XRN1: variants seen among roughly 807,000 people sequenced by gnomAD.
XRN1 encodes strand-exchange protein 1 homolog.
A neutral mutation model predicts 222.3 loss-of-function variants in XRN1; 67 were observed. The ratio of observed to expected loss-of-function variants is 0.30; its 90% CI spans 0.25 to 0.37. XRN1 has a LOEUF of 0.37. XRN1 is among the 10% of genes least tolerant of loss of function. The pLI, the probability that XRN1 is intolerant of heterozygous loss-of-function variation, is 1.00. For missense variants in XRN1, 1,707 were observed against 2,000.2 expected (o/e 0.85, Z 2.80); for synonymous variants, 643 against 652.4 (o/e 0.99, Z 0.22).
chr3:142,376,001 C>CA (rs1553729273), intron 24 of XRN1, 57 bp from the exon 25 acceptor site: 16 of 1,488,608 alleles, frequency 1.1e-5, no homozygotes, highest in Non-Finnish European at 1.3e-5. Flanking sequence ...CACACACACA[C>CA]GAGTTTTAAA....
At chr3:142,412,963 C>G (rs1219733460) in intron 14 of XRN1, among the ~76,000 whole-genome samples, 1 of 152,126 alleles carries the variant, frequency 6.6e-6, no homozygotes, top group East Asian at 1.9e-4. Flanking sequence ...CTCTACAAGA[C>G]ACACAGCTAA....
chr3:142,352,283 C>G (rs1052658863), intron 32 of XRN1, among the ~76,000 whole-genome samples: 1 of 152,182 alleles, frequency 6.6e-6, no homozygotes, highest in African/African-American at 2.4e-5. Context: ...CAGTTTATAC[C>G]CTGAAGCAGT....
Position 142,332,410 on chromosome 3 carries a change from C to T in XRN1, c.4187G>A (p.Gly1396Glu). 1.2e-6 allele frequency: 2 copies of T among 1,611,144 alleles called. No homozygotes were observed. Among genetic ancestry groups the T allele is most frequent in the Non-Finnish European group, 1.7e-6 (2 of 1,178,090 alleles). The change falls in exon 36 of 41, where the codon GGA (glycine) becomes GAA (glutamate). Residue 1396 changes from glycine (G) to glutamate (E), a missense_variant. Physicochemically the swap from Gly to Glu is moderately conservative, Grantham distance 98 (BLOSUM62 -2). Transcript: ENST00000392981. ...ATTTTGTTTAGGCTGAGAGGGTAAT[C>T]CATATTCATCTCTTCTGTTAGAGGA... Reference protein sequence around the residue: ...PVSSNRRDEYGLPSQPKQNKK... With the variant: ...PVSSNRRDEYELPSQPKQNKK...
chr3:142,339,005 TAAGGGAACACACTTCCCTA>T (rs2065916666), intron 33 of XRN1, among the ~76,000 whole-genome samples: 1 of 152,148 alleles, frequency 6.6e-6, no homozygotes. Flanking sequence ...ACCTGGGACC[TAAGGGAACACACTTCCCTA>T]AAGGGAAGGA....
chr3:142,352,063 C>A (rs2066324604), intron 32 of XRN1, among the ~76,000 whole-genome samples: 1 of 152,158 alleles, frequency 6.6e-6, no homozygotes, highest in South Asian at 2.1e-4. Context: ...ATAAATCATT[C>A]TATCATTCTA....
chr3:142,440,761 CA>C (rs1211948255), intron 1 of XRN1, among the ~76,000 whole-genome samples: 1 of 152,298 alleles, frequency 6.6e-6, no homozygotes, highest in Non-Finnish European at 1.5e-5. Flanking sequence ...CCAGAGGAAG[CA>C]GAGCGGTTTA....
chr3:142,399,800 T>A (rs35225534), intron 19 of XRN1, among the ~76,000 whole-genome samples: 22,196 of 144,008 alleles, frequency 0.15, 2,002 homozygotes, highest in Middle Eastern at 0.26. Flanking sequence ...TGTGTAAATT[T>A]AAAAAAAAAA....
At position 142,364,054 on chromosome 3, in the gene XRN1, C is replaced by T. The variant is rs148663603; in HGVS notation, c.3394+993G>A. ...GGAATCAGGGGAAGGAGTTCAAATCCCAGCTCTGCCACTTATCTATGTAAA... is the reference window on the plus strand; with the variant it reads ...GGAATCAGGGGAAGGAGTTCAAATCTCAGCTCTGCCACTTATCTATGTAAA... On this transcript the variant is annotated intron_variant, in intron 29 of 40. Transcript: ENST00000392981. Among the ~76,000 whole-genome samples, 11 of 152,276 alleles carry T rather than the reference C, an allele frequency of 7.2e-5. No individual in the cohort carries two copies. In the East Asian group the frequency reaches 2.1e-3, roughly 29 times the overall value.
At chr3:142,362,528 C>T (rs1327560542) in intron 29 of XRN1, among the ~76,000 whole-genome samples, 1 of 152,036 alleles carries the variant, frequency 6.6e-6, no homozygotes, top group Non-Finnish European at 1.5e-5. Flanking sequence ...CCGCCTTGGC[C>T]TCCCAAAGTG....
At chr3:142,440,062 C>T (rs539114804) in intron 1 of XRN1, among the ~76,000 whole-genome samples, 5 of 152,130 alleles carry the variant, frequency 3.3e-5, no homozygotes, top group African/African-American at 4.8e-5. Context: ...CCGGGGAAAG[C>T]GCCAGCCCAT....
At position 142,370,819 on chromosome 3, in the gene XRN1, G is replaced by C. The variant is rs548969637; in HGVS notation, c.3069-199C>G. On this transcript the variant is annotated intron_variant, in intron 26 of 40. Coordinates refer to ENST00000392981, the MANE Select transcript of XRN1 (RefSeq NM_001282857.2). The stretch of plus-strand genomic sequence containing the variant: ...AAAGATTAGTTTAAAAGTATTTGTT[G>C]ATATAAATGAAAGAAAATTTGTTAA... Among the ~76,000 whole-genome samples the C allele has an allele frequency of 8.5e-4, 129 of 152,100 alleles. 3 individuals carry two copies. The South Asian group carries it at 0.027, about 31-fold the overall frequency.
rs1209822052 is a variant in XRN1 at position 142,365,130 on chromosome 3, C to A, written c.3311G>T (p.Cys1104Phe). The A allele has an allele frequency of 1.9e-6, 3 of 1,613,326 alleles. No homozygotes were observed. Among genetic ancestry groups the A allele is most frequent in the East Asian group, 4.5e-5 (2 of 44,762 alleles). Residue 1104 changes from cysteine to phenylalanine, a missense_variant, in exon 29 of 41, where the codon TGT (cysteine) becomes TTT (phenylalanine). This residue lies in a region of XRN1 where 1,234 missense variants were observed against 1,518.2 expected (regional missense o/e 0.81). Coordinates refer to ENST00000392981, the MANE Select transcript of XRN1 (RefSeq NM_001282857.2). ...CACATTTACAACACGGTCAAAAAGA[C>A]AAAATTCTGCATCCCGATCAGGAAT... is the stretch of plus-strand genomic sequence containing the variant. ...GVIPDRDAEF[C>F]LFDRVVNVRE...
At position 142,404,902 on chromosome 3, in the gene XRN1, A is replaced by G; in HGVS notation, c.1883+5T>C. ...TGTTGTTGAAAAATTACCAAGTAAC[A>G]TTACCTTGTACAACATCGTTCTATG... On this transcript the variant is annotated splice_donor_5th_base_variant and intron_variant, in intron 16 of 40. Transcript: ENST00000392981. 1 of 1,613,770 alleles carries G rather than the reference A, an allele frequency of 6.2e-7. No homozygotes were observed. The highest frequency in any genetic ancestry group is 1.1e-5 in the South Asian group (1 of 91,042).
chr3:142,332,352 G>A (rs768354269), intron 36 of XRN1, 23 bp downstream of exon 36: 2 of 1,491,424 alleles, frequency 1.3e-6, no homozygotes, highest in Admixed American at 1.9e-5. Flanking sequence ...GATATTATTG[G>A]TAATAGTATT....
intron 37 of XRN1, among the ~76,000 whole-genome samples, chr3:142,324,710 C>A (rs940591828): frequency 6.6e-5 from 10 of 152,028 alleles, no homozygotes; most frequent in East Asian, 1.9e-4. Context: ...ACAGTCCCAA[C>A]AACAGTGTAA....
intron 20 of XRN1, among the ~76,000 whole-genome samples, chr3:142,388,484 C>A (rs2107965308): frequency 6.6e-6 from 1 of 152,158 alleles, no homozygotes; most frequent in East Asian, 1.9e-4. Context: ...AGCACCCCTA[C>A]CTCCCACACT....
chr3:142,366,291 C>T (rs2066809623), intron 27 of XRN1, among the ~76,000 whole-genome samples: 1 of 152,200 alleles, frequency 6.6e-6, no homozygotes, highest in South Asian at 2.1e-4. Context: ...TAGAACATAG[C>T]TTATGGGAAT....
rs536036859 is a variant in XRN1, at chr3:142,392,622, A to G, written c.2339+4707T>C. ...AGTTTACTGAGAATGATGATTTCCA[A>G]TTTCATCCATGTCCCTACAAAGGAC... On this transcript the variant is annotated intron_variant, in intron 20 of 40. Coordinates refer to ENST00000392981, the MANE Select transcript of XRN1 (RefSeq NM_001282857.2). 1.5e-3 allele frequency among the ~76,000 whole-genome samples: 229 copies of G among 150,536 alleles called. 2 individuals carry two copies. Among genetic ancestry groups the G allele is most frequent in the Admixed American group, 9.6e-3 (146 of 15,130 alleles).
chr3:142,333,385 T>C (rs1363358405), intron 34 of XRN1, among the ~76,000 whole-genome samples: 2 of 152,314 alleles, frequency 1.3e-5, no homozygotes, highest in East Asian at 3.9e-4. Context: ...ATAAACTTTT[T>C]GTGCAAATAT....
Sources: gnomAD v4.1 joint callset for allele counts (sites outside exome capture counted in the v4.1 genomes callset) on GRCh38, gnomAD v4.1.1 for gene constraint, gnomAD v4.1.1 regional missense constraint, MANE v1.5 for transcripts, NCBI Gene and HGNC (gene_info 2026-07-23, HGNC 2026-07-21) for gene names.